CPS1: variants seen among roughly 807,000 people sequenced by gnomAD.
CPS1 encodes the protein carbamoyl-phosphate synthase 1.
In CPS1, 109 loss-of-function variants were observed where a neutral mutation model predicts 174.6. That is an observed-to-expected ratio of 0.62 (90% CI 0.53 to 0.73). CPS1 has a LOEUF of 0.73. Among genes scored for constraint, CPS1 ranks in the 30% least tolerant of loss-of-function variants. CPS1 has a pLI of 0.00. For missense variants in CPS1, 1,689 were observed against 1,821.9 expected (o/e 0.93, Z 1.33); for synonymous variants, 637 against 632.0 (o/e 1.01, Z -0.12).
intron 1 of CPS1, among the ~76,000 whole-genome samples, chr2:210,522,667 A>G (rs1465111458): frequency 1.3e-5 from 2 of 152,126 alleles, no homozygotes; most frequent in East Asian, 3.9e-4. Flanking sequence ...AAAAATCTCC[A>G]GAGATAATAG....
intron 16 of CPS1, among the ~76,000 whole-genome samples, chr2:210,603,804 C>T (rs1325203076): frequency 1.3e-5 from 2 of 151,798 alleles, no homozygotes; most frequent in East Asian, 3.9e-4. Context: ...TTAGTCATAT[C>T]ATTATGTCCT....
At chr2:210,525,770 T>G (rs1695955537) in intron 1 of CPS1, among the ~76,000 whole-genome samples, 2 of 147,464 alleles carry the variant, frequency 1.4e-5, no homozygotes, top group Admixed American at 6.9e-5. Context: ...AATATACAGG[T>G]GGAGTAGGAG....
chr2:210,659,636 G>A (rs183092068), intron 31 of CPS1, among the ~76,000 whole-genome samples: 9 of 152,204 alleles, frequency 5.9e-5, no homozygotes, highest in Admixed American at 3.9e-4. Context: ...CCTCCTACTC[G>A]CAGTCATTTG....
At chr2:210,489,806 G>A (rs981636778) in intron 1 of CPS1, among the ~76,000 whole-genome samples, 27 of 152,036 alleles carry the variant, frequency 1.8e-4, no homozygotes, top group Admixed American at 2.6e-4. Context: ...AGACCATCCT[G>A]GCTAACATGG....
chr2:210,665,111 A>G (rs1229308899), intron 33 of CPS1, among the ~76,000 whole-genome samples: 2 of 152,164 alleles, frequency 1.3e-5, no homozygotes, highest in Non-Finnish European at 2.9e-5. Context: ...ATTCTTTTCA[A>G]TAGAATTTGA....
chr2:210,503,008 A>C (rs1244585035), intron 1 of CPS1, among the ~76,000 whole-genome samples: 1 of 152,112 alleles, frequency 6.6e-6, no homozygotes, highest in Non-Finnish European at 1.5e-5. Flanking sequence ...CCTAATTTTT[A>C]AAAGTTCTGT....
intron 1 of CPS1, among the ~76,000 whole-genome samples, chr2:210,489,957 C>T (rs1401157773): frequency 1.4e-5 from 2 of 141,152 alleles, no homozygotes; most frequent in Non-Finnish European, 3.0e-5. Context: ...GAGATCCTGC[C>T]ACTGCACTCC....
chr2:210,638,317 A>G (rs945554933), intron 22 of CPS1, among the ~76,000 whole-genome samples: 1 of 152,030 alleles, frequency 6.6e-6, no homozygotes, highest in African/African-American at 2.4e-5. Flanking sequence ...ATTCATTGTG[A>G]TAGGGCTGGG....
At chr2:210,523,086 A>G (rs994080117) in intron 1 of CPS1, among the ~76,000 whole-genome samples, 11 of 152,006 alleles carry the variant, frequency 7.2e-5, no homozygotes, top group Non-Finnish European at 1.3e-4. Flanking sequence ...AACACTAACT[A>G]GCTGTGAGAT....
At chr2:210,487,662 T>C (rs1235337065) in intron 1 of CPS1, among the ~76,000 whole-genome samples, 1 of 152,164 alleles carries the variant, frequency 6.6e-6, no homozygotes, top group African/African-American at 2.4e-5. Flanking sequence ...TAAGATTATT[T>C]TAGGAGTTGT....
chr2:210,554,199 A>G (rs965873284), upstream of CPS1, among the ~76,000 whole-genome samples: 5 of 140,526 alleles, frequency 3.6e-5, no homozygotes, highest in East Asian at 8.1e-4. Context: ...ACACATATAT[A>G]TATGTATGTA....
At chr2:210,517,023 T>C (rs1336801846) in intron 1 of CPS1, among the ~76,000 whole-genome samples, 5 of 151,988 alleles carry the variant, frequency 3.3e-5, no homozygotes, top group Admixed American at 2.0e-4. Flanking sequence ...TATATGTCTA[T>C]TGGTGCTGAG....
intron 1 of CPS1, among the ~76,000 whole-genome samples, chr2:210,512,371 G>A (rs1695518296): frequency 6.6e-6 from 1 of 151,698 alleles, no homozygotes; most frequent in South Asian, 2.1e-4. Flanking sequence ...CCCCACTCCA[G>A]TATTCCCCAG....
intron 6 of CPS1, among the ~76,000 whole-genome samples, chr2:210,586,436 A>T (rs1213783261): frequency 6.6e-6 from 1 of 152,020 alleles, no homozygotes; most frequent in East Asian, 1.9e-4. Flanking sequence ...ATAGAGGGTG[A>T]TGATAGATGA....
At chr2:210,580,364 T>C (rs1334267336) in intron 5 of CPS1, among the ~76,000 whole-genome samples, 2 of 152,068 alleles carry the variant, frequency 1.3e-5, no homozygotes, top group African/African-American at 4.8e-5. Flanking sequence ...GAAGTCTGAT[T>C]GCTACAACAT....
intron 37 of CPS1, among the ~76,000 whole-genome samples, chr2:210,677,476 G>T (rs2105946524): frequency 6.6e-6 from 1 of 152,302 alleles, no homozygotes; most frequent in South Asian, 2.1e-4. Flanking sequence ...AAAGCAACAG[G>T]TTAATGATGG....
chr2:210,538,247 A>T (rs1037909102), intron 1 of CPS1, among the ~76,000 whole-genome samples: 5 of 152,134 alleles, frequency 3.3e-5, no homozygotes, highest in Non-Finnish European at 7.4e-5. Flanking sequence ...AACTTTATAA[A>T]TTCCTATATT....
intron 3 of CPS1, among the ~76,000 whole-genome samples, 158 bp downstream of exon 3, chr2:210,576,648 T>C (rs1002937362): frequency 6.6e-6 from 1 of 152,198 alleles, no homozygotes; most frequent in African/African-American, 2.4e-5. Flanking sequence ...GAGAATAATC[T>C]TTAACTTGAC....
At chr2:210,487,421 G>T (rs551988604) in intron 1 of CPS1, among the ~76,000 whole-genome samples, 143 of 152,326 alleles carry the variant, frequency 9.4e-4, no homozygotes, top group African/African-American at 3.4e-3. Flanking sequence ...TGAGGTTTGT[G>T]GCAGCTCCAT....
Sources: allele counts gnomAD v4.1 joint callset (sites outside exome capture counted in the v4.1 genomes callset), GRCh38; gene constraint gnomAD v4.1.1; transcripts MANE v1.5; gene names NCBI Gene and HGNC (gene_info 2026-07-23, HGNC 2026-07-21).